Variants in CCDC178 observed in about 807,000 individuals in gnomAD.
The protein encoded by CCDC178 is coiled-coil domain containing 178.
In CCDC178, 126 loss-of-function variants were observed where a neutral mutation model predicts 117.4. The observed-to-expected ratio is 1.07, with a 90% confidence interval of 0.93 to 1.24. CCDC178 has a LOEUF of 1.24. CCDC178 is among the 50% of genes most tolerant of loss of function. The pLI is 0.00. For synonymous variants in CCDC178, 283 were observed against 313.4 expected (o/e 0.90, Z 1.02); for missense variants, 1,030 against 986.9 (o/e 1.04, Z -0.59).
At chr18:33,022,367 G>A (rs2056139821) in intron 21 of CCDC178, among the ~76,000 whole-genome samples, 2 of 152,168 alleles carry the variant, frequency 1.3e-5, no homozygotes, top group African/African-American at 4.8e-5. Flanking sequence ...CCCCTCTTGA[G>A]TTTTCTAAAT....
chr18:33,338,567 T>C (rs2062773625), intron 9 of CCDC178, among the ~76,000 whole-genome samples: 1 of 152,138 alleles, frequency 6.6e-6, no homozygotes, highest in Non-Finnish European at 1.5e-5. Context: ...TACTCAGACA[T>C]ACAAAGGAAT....
chr18:33,299,644 A>C (rs1217894874), intron 11 of CCDC178, among the ~76,000 whole-genome samples: 1 of 152,032 alleles, frequency 6.6e-6, no homozygotes, highest in African/African-American at 2.4e-5. Context: ...TCAAACTAAA[A>C]AGCTTCTGCA....
At chr18:33,404,856 G>C (rs899772167) in intron 3 of CCDC178, among the ~76,000 whole-genome samples, 4 of 152,110 alleles carry the variant, frequency 2.6e-5, no homozygotes, top group South Asian at 2.1e-4. Flanking sequence ...AAGGTGAAAG[G>C]CATGCAGAGC....
At chr18:33,072,405 T>C (rs2057125140) in intron 21 of CCDC178, among the ~76,000 whole-genome samples, 1 of 152,070 alleles carries the variant, frequency 6.6e-6, no homozygotes, top group Admixed American at 6.6e-5. Context: ...CAAAAGATAT[T>C]TACAAATATA....
chr18:33,412,891 G>A (rs562155264), intron 2 of CCDC178, among the ~76,000 whole-genome samples: 30 of 152,092 alleles, frequency 2.0e-4, no homozygotes, highest in Non-Finnish European at 4.1e-4. Flanking sequence ...TAGTCTATGC[G>A]TTCTCCCTGT....
intron 21 of CCDC178, among the ~76,000 whole-genome samples, chr18:33,043,754 T>A (rs564374305): frequency 6.6e-6 from 1 of 151,916 alleles, no homozygotes. Flanking sequence ...AAAGAAATTA[T>A]AGTATAACAC....
intron 12 of CCDC178, among the ~76,000 whole-genome samples, chr18:33,287,288 C>A (rs750850357): frequency 2.0e-5 from 3 of 152,114 alleles, no homozygotes; most frequent in Non-Finnish European, 4.4e-5. Flanking sequence ...CACATCGTTG[C>A]TTTTAATTGA....
chr18:32,976,664 G>A (rs1464777058), intron 21 of CCDC178, among the ~76,000 whole-genome samples: 2 of 151,996 alleles, frequency 1.3e-5, no homozygotes, highest in Non-Finnish European at 2.9e-5. Flanking sequence ...ATATATGTTT[G>A]AAATTTGTGT....
chr18:33,419,607 C>A (rs994835594), intron 2 of CCDC178, among the ~76,000 whole-genome samples: 10 of 152,020 alleles, frequency 6.6e-5, no homozygotes, highest in Non-Finnish European at 8.8e-5. Flanking sequence ...ACCAAAGAAA[C>A]CCATTAAAAA....
chr18:33,134,933 T>C (rs1428112388), intron 20 of CCDC178, among the ~76,000 whole-genome samples: 2 of 152,052 alleles, frequency 1.3e-5, no homozygotes, highest in South Asian at 2.1e-4. Flanking sequence ...ATTCCTCAGT[T>C]CGTAATTTGT....
intron 14 of CCDC178, among the ~76,000 whole-genome samples, chr18:33,249,692 G>A (rs2059594785): frequency 6.6e-6 from 1 of 151,822 alleles, no homozygotes; most frequent in South Asian, 2.1e-4. Flanking sequence ...AGTTTGAAGT[G>A]AGGGAGTGTG....
At chr18:33,084,708 A>G (rs1284894394) in intron 21 of CCDC178, among the ~76,000 whole-genome samples, 1 of 151,564 alleles carries the variant, frequency 6.6e-6, no homozygotes, top group Non-Finnish European at 1.5e-5. Context: ...GCTACTCAGG[A>G]GGCTGAGGCA....
chr18:33,217,402 A>T (rs1009743633), intron 18 of CCDC178, among the ~76,000 whole-genome samples: 10 of 152,032 alleles, frequency 6.6e-5, no homozygotes, highest in African/African-American at 2.4e-4. Flanking sequence ...TAGATCTTAA[A>T]ACAAATTCCT....
At chr18:32,959,035 G>C (rs963780168) in intron 22 of CCDC178, among the ~76,000 whole-genome samples, 4 of 152,134 alleles carry the variant, frequency 2.6e-5, no homozygotes, top group Non-Finnish European at 4.4e-5. Context: ...CATCCTATCT[G>C]AGAGGTTTGT....
chr18:32,960,283 GA>G (rs1225014592), intron 22 of CCDC178, among the ~76,000 whole-genome samples: 2 of 152,046 alleles, frequency 1.3e-5, no homozygotes, highest in African/African-American at 4.8e-5. Context: ...GAAGAGGTGA[GA>G]GAATCAGAAA....
chr18:33,399,758 C>T (rs531785756), intron 3 of CCDC178, among the ~76,000 whole-genome samples: 9 of 152,266 alleles, frequency 5.9e-5, no homozygotes, highest in African/African-American at 2.2e-4. Context: ...CAAAGTCATC[C>T]AGGAGACTTG....
intron 2 of CCDC178, among the ~76,000 whole-genome samples, chr18:33,430,084 CTG>C (rs1386780716): frequency 6.6e-6 from 1 of 152,128 alleles, no homozygotes; most frequent in African/African-American, 2.4e-5. Context: ...TCAGATATAT[CTG>C]TATCTACAAA....
At chr18:33,334,294 G>A (rs970246473) in intron 9 of CCDC178, among the ~76,000 whole-genome samples, 1 of 152,006 alleles carries the variant, frequency 6.6e-6, no homozygotes, top group African/African-American at 2.4e-5. Context: ...AGGTCTGTAA[G>A]GGGAAAGTGA....
chr18:33,172,129 C>T lies in CCDC178; in HGVS notation c.2238+39767G>A, dbSNP rs9944657. On this transcript the variant is annotated intron_variant, in intron 20 of 22. Coordinates refer to ENST00000383096, the MANE Select transcript of CCDC178 (RefSeq NM_001105528.4). ...TTCACCATGTTGATCAGGCTGGTCT[C>T]GACGATCCACCTGCCTCGGCCTCCC... is the stretch of plus-strand genomic sequence containing the variant. Among the ~76,000 whole-genome samples, 1,200 of 152,120 alleles carry T rather than the reference C, an allele frequency of 7.9e-3. 13 individuals are homozygous for T. Among genetic ancestry groups the T allele is most frequent in the African/African-American group, 0.027 (1,117 of 41,488 alleles).
Sources: allele counts gnomAD v4.1 joint callset (sites outside exome capture counted in the v4.1 genomes callset), GRCh38; gene constraint gnomAD v4.1.1; transcripts MANE v1.5; gene names NCBI Gene and HGNC (gene_info 2026-07-23, HGNC 2026-07-21).